Variants in SOX30 observed in about 807,000 individuals in gnomAD.
The protein encoded by SOX30 is transcription factor SOX-30.
In SOX30, 17 loss-of-function variants were observed where a neutral mutation model predicts 58.6. The observed-to-expected ratio is 0.29, with a 90% confidence interval of 0.20 to 0.44. The LOEUF (loss-of-function observed/expected upper bound fraction) is 0.44. SOX30 is among the 20% of genes least tolerant of loss of function. SOX30 has a pLI of 1.00. For synonymous variants in SOX30, 421 were observed against 400.2 expected, an observed-to-expected ratio of 1.05 and a Z score of -0.62; for missense variants, 951 against 965.8, an observed-to-expected ratio of 0.98 and a Z score of 0.20.
At chr5:157,670,001 A>C (rs1759748508) in intron 1 of SOX30, among the ~76,000 whole-genome samples, 1 of 152,210 alleles carries the variant, frequency 6.6e-6, no homozygotes, top group South Asian at 2.1e-4. Flanking sequence ...AGACTATATG[A>C]AGGGCAAGGA....
chr5:157,627,262 C>G (rs981469318), intron 4 of SOX30, among the ~76,000 whole-genome samples: 3 of 152,076 alleles, frequency 2.0e-5, no homozygotes, highest in Non-Finnish European at 2.9e-5. Flanking sequence ...ACTCAGGAGG[C>G]TGAGGCAGGA....
chr5:157,647,305 C>A (rs558095637), intron 2 of SOX30, among the ~76,000 whole-genome samples: 2 of 152,232 alleles, frequency 1.3e-5, no homozygotes, highest in Admixed American at 1.3e-4. Flanking sequence ...TCGTGATCCG[C>A]CCGTCTCGGC....
chr5:157,659,538 ACT>A (rs1759539431), intron 2 of SOX30, among the ~76,000 whole-genome samples: 1 of 152,136 alleles, frequency 6.6e-6, no homozygotes, highest in Non-Finnish European at 1.5e-5. Flanking sequence ...GTATTTCTGA[ACT>A]CTCTGTTCTG....
intron 1 of SOX30, among the ~76,000 whole-genome samples, chr5:157,650,066 G>A (rs956411323): frequency 1.3e-5 from 2 of 152,052 alleles, no homozygotes; most frequent in African/African-American, 2.4e-5. Flanking sequence ...AAGTCACAGA[G>A]CCAGTTGAAA....
chr5:157,646,731 G>A lies in SOX30; in HGVS notation c.1293C>T (p.Ile431=). ...AAACTGTTGTAGGATTTGTAGAGAT[G>A]ATATTCTGTGTGGTACCAGAAAATA... ...SNVFSGTTQN[I]ISTNPTTVYP... is the part of the protein sequence containing the mutation. Residue 431 remains isoleucine (I), a synonymous_variant, in exon 3 of 5, where the codon ATC becomes ATT. Coordinates refer to ENST00000265007, the MANE Select transcript of SOX30 (RefSeq NM_178424.2). 1 of 1,612,524 alleles carries A rather than the reference G, an allele frequency of 6.2e-7. No homozygotes were observed. Among genetic ancestry groups the A allele is most frequent in the Non-Finnish European group, 8.5e-7 (1 of 1,178,532 alleles).
chr5:157,642,507 G>A (rs1253863142), intron 3 of SOX30, among the ~76,000 whole-genome samples: 1 of 151,912 alleles, frequency 6.6e-6, no homozygotes, highest in African/African-American at 2.4e-5. Flanking sequence ...ATTGATATTG[G>A]CTAGGGAAAA....
rs140634422 is a variant in SOX30 at position 157,651,192 on chromosome 5, G to A, written c.887C>T (p.Thr296Ile). 30 of 1,610,938 alleles carry A rather than the reference G, an allele frequency of 1.9e-5. No individual in the cohort carries two copies. Among genetic ancestry groups the A allele is most frequent in the South Asian group, 4.4e-5 (4 of 90,862 alleles). ...LTKVPLTPVPTKMQSLLEPSV... is the reference protein window; with the variant it reads ...LTKVPLTPVPIKMQSLLEPSV... The stretch of plus-strand genomic sequence containing the variant: ...AGGCTCCAGTAGGGACTGCATTTTA[G>A]TAGGCACTGGTGTCAGGGGGACCTT... Residue 296 changes from threonine (T) to isoleucine (I), a missense_variant, in exon 1 of 5, where the codon ACT (threonine) becomes ATT (isoleucine). Physicochemically the swap from Thr to Ile is moderately conservative, Grantham distance 89. Coordinates refer to ENST00000265007, the MANE Select transcript of SOX30 (RefSeq NM_178424.2).
In SOX30 at chr5:157,626,454, A is replaced by G; in HGVS notation, c.2148T>C (p.Ile716=). The change falls in exon 5 of 5, where the codon ATT becomes ATC. Residue 716 remains isoleucine, a synonymous_variant. Coordinates refer to ENST00000265007, the MANE Select transcript of SOX30 (RefSeq NM_178424.2). ...CTGTGAAGACATTCTCCAAGGTTCCAATGTCCAGCTGAGGCACAGGGTTTA... is the reference window on the plus strand; with the variant it reads ...CTGTGAAGACATTCTCCAAGGTTCCGATGTCCAGCTGAGGCACAGGGTTTA... ...ENLNPVPQLD[I]GTLENVFTAP... is the part of the protein sequence containing the mutation. 1 of 1,614,198 alleles carries G rather than the reference A, an allele frequency of 6.2e-7. No individual in the cohort carries two copies. The highest frequency in any genetic ancestry group is 2.2e-5 in the East Asian group (1 of 44,888).
intron 2 of SOX30, among the ~76,000 whole-genome samples, chr5:157,663,669 G>A (rs1759615630): frequency 6.6e-6 from 1 of 152,188 alleles, no homozygotes; most frequent in Non-Finnish European, 1.5e-5. Flanking sequence ...AATTGTCCCT[G>A]TTTGCAGATG....
intron 2 of SOX30, 67 bp from the exon 3 acceptor site, chr5:157,646,883 T>G (rs975455014): frequency 8.4e-7 from 1 of 1,185,606 alleles, no homozygotes; most frequent in Admixed American, 2.1e-5. Context: ...TTTTTCATAC[T>G]AAAATGCAAA....
In SOX30 at chr5:157,638,607, A is replaced by C. The variant is rs1047669599; in HGVS notation, c.1503T>G (p.Ser501Arg). Residue 501 changes from serine (S) to arginine (R), a missense_variant, in exon 4 of 5, where the codon AGT becomes AGG. By Grantham distance (110) the Ser-to-Arg change is moderately radical. Around this residue, in one of 7 missense-constraint regions of SOX30, gnomAD observed 381 missense variants for 390.0 expected, o/e 0.98. Coordinates refer to ENST00000265007, the MANE Select transcript of SOX30 (RefSeq NM_178424.2). ...SAAQVAVQDP[S>R]LPVYPALPPQ... Reference sequence around the variant, plus strand: ...GTGGGAGTGCTGGATAGACAGGTAGACTTGGATCCTGGACAGCCACCTGAG... The same window carrying C: ...GTGGGAGTGCTGGATAGACAGGTAGCCTTGGATCCTGGACAGCCACCTGAG... The C allele has an allele frequency of 1.2e-6, 2 of 1,614,016 alleles. No individual in the cohort carries two copies. Among genetic ancestry groups the C allele is most frequent in the Non-Finnish European group, 1.7e-6 (2 of 1,180,022 alleles).
chr5:157,638,332 T>G lies in SOX30; in HGVS notation c.1778A>C (p.Gln593Pro). Residue 593 changes from glutamine (Q) to proline (P), a missense_variant, in exon 4 of 5, where the codon CAG (glutamine) becomes CCG (proline). This residue lies in a region of SOX30 where 381 missense variants were observed against 390.0 expected (regional missense o/e 0.98). Coordinates refer to ENST00000265007, the MANE Select transcript of SOX30 (RefSeq NM_178424.2). ...ASPIPHPHVY[Q>P]PPPLGHPATL... The stretch of plus-strand genomic sequence containing the variant: ...GGCTGGATGGCCAAGGGGAGGGGGC[T>G]GGTAGACATGTGGGTGTGGAATGGG... 2 of 1,612,594 alleles carry G rather than the reference T, an allele frequency of 1.2e-6. No homozygotes were observed. Among genetic ancestry groups the G allele is most frequent in the Non-Finnish European group, 1.7e-6 (2 of 1,179,194 alleles).
intron 4 of SOX30, among the ~76,000 whole-genome samples, chr5:157,629,322 A>C (rs577271791): frequency 6.6e-5 from 10 of 152,350 alleles, no homozygotes; most frequent in Admixed American, 5.2e-4. Flanking sequence ...CAAAGCCTTC[A>C]TTTCAGCTAG....
At chr5:157,653,915 C>T (rs1489535575), upstream of SOX30, among the ~76,000 whole-genome samples, 1 of 152,078 alleles carries the variant, frequency 6.6e-6, no homozygotes, top group Non-Finnish European at 1.5e-5. Context: ...TCCTGTAATC[C>T]CAGCACTTTG....
At chr5:157,665,730 A>G (rs1327712903) in intron 2 of SOX30, among the ~76,000 whole-genome samples, 1 of 149,504 alleles carries the variant, frequency 6.7e-6, no homozygotes, top group Non-Finnish European at 1.5e-5. Flanking sequence ...ATAAAACTAT[A>G]TGGAGCCCTT....
intron 1 of SOX30, among the ~76,000 whole-genome samples, chr5:157,669,999 T>C (rs1168968051): frequency 6.6e-6 from 1 of 152,168 alleles, no homozygotes; most frequent in Non-Finnish European, 1.5e-5. Context: ...AGAGACTATA[T>C]GAAGGGCAAG....
chr5:157,662,715 C>G (rs1355747820), intron 2 of SOX30, among the ~76,000 whole-genome samples: 1 of 152,158 alleles, frequency 6.6e-6, no homozygotes, highest in South Asian at 2.1e-4. Flanking sequence ...GGACATGCCT[C>G]ATTACACTCC....
At chr5:157,643,445 A>T (rs1006814855) in intron 3 of SOX30, among the ~76,000 whole-genome samples, 1 of 151,972 alleles carries the variant, frequency 6.6e-6, no homozygotes, top group African/African-American at 2.4e-5. Context: ...TATAAATATT[A>T]AAAAATTTTT....
At chr5:157,659,843 A>G (rs1484123876) in intron 2 of SOX30, among the ~76,000 whole-genome samples, 1 of 152,228 alleles carries the variant, frequency 6.6e-6, no homozygotes, top group African/African-American at 2.4e-5. Flanking sequence ...TCTGAATGGC[A>G]ATTGGTTGAA....
Sources: gnomAD v4.1 joint callset for allele counts (sites outside exome capture counted in the v4.1 genomes callset) on GRCh38, gnomAD v4.1.1 for gene constraint, gnomAD v4.1.1 regional missense constraint, MANE v1.5 for transcripts, NCBI Gene and HGNC (gene_info 2026-07-23, HGNC 2026-07-21) for gene names.